AGBL1: variants seen among roughly 807,000 people sequenced by gnomAD.
AGBL1 encodes the protein cytosolic carboxypeptidase 4.
In AGBL1, 130 loss-of-function variants were observed where a neutral mutation model predicts 118.9. The observed-to-expected ratio is 1.09, with a 90% CI of 0.95 to 1.26. The LOEUF is 1.26. Ranked by LOEUF, AGBL1 falls within the 50% of genes most tolerant of loss-of-function variation. The pLI is 0.00. For missense variants in AGBL1, 1,584 were observed against 1,298.1 expected (o/e 1.22, Z -3.38); for synonymous variants, 555 against 478.9 (o/e 1.16, Z -2.08).
chr15:86,734,016 T>A (rs1049860896), intron 22 of AGBL1, among the ~76,000 whole-genome samples: 5 of 152,116 alleles, frequency 3.3e-5, no homozygotes, highest in African/African-American at 1.2e-4. Flanking sequence ...TTAAATTTGA[T>A]CCCCTCTGAT....
At chr15:86,260,644 GT>G (rs550696757) in intron 9 of AGBL1, among the ~76,000 whole-genome samples, 2 of 152,282 alleles carry the variant, frequency 1.3e-5, no homozygotes, top group African/African-American at 4.8e-5. Flanking sequence ...ATAAGACATA[GT>G]TTTTATCTTC....
chr15:86,596,657 C>T (rs750939124), intron 21 of AGBL1, among the ~76,000 whole-genome samples: 11 of 152,090 alleles, frequency 7.2e-5, no homozygotes, highest in Non-Finnish European at 1.3e-4. Context: ...CAACTTTCAT[C>T]CATCCTCCTA....
At position 86,911,342 on chromosome 15, in the gene AGBL1, T is replaced by C. The variant is rs541562520; in HGVS notation, c.*4048T>C. ...TGATTTCACCTTTAAGATAGTCCCA[T>C]TGTTAGAATAGAAGCCCAAGACTTG... On this transcript the variant is annotated 3_prime_UTR_variant, in exon 23 of 23. Coordinates refer to ENST00000614907, the MANE Select transcript of AGBL1 (RefSeq NM_001386094.1). The C allele has an allele frequency of 6.6e-6, 1 of 152,244 alleles. No homozygotes were observed. The highest frequency in any genetic ancestry group is 1.5e-5 in the Non-Finnish European group (1 of 68,016). 9.4% of individuals were successfully genotyped at this position (152,244 alleles called of 1,614,324 possible).
chr15:86,766,473 T>C (rs1226390964), intron 22 of AGBL1, among the ~76,000 whole-genome samples: 1 of 151,982 alleles, frequency 6.6e-6, no homozygotes, highest in Non-Finnish European at 1.5e-5. Flanking sequence ...ATTAAACTCA[T>C]TGATAATGAA....
chr15:86,748,111 C>T (rs945342688), intron 22 of AGBL1, among the ~76,000 whole-genome samples: 2 of 152,142 alleles, frequency 1.3e-5, no homozygotes, highest in African/African-American at 4.8e-5. Context: ...TAAAAGTGTT[C>T]CTATTTCTCC....
intron 18 of AGBL1, among the ~76,000 whole-genome samples, chr15:86,417,466 T>G (rs756174490): frequency 6.6e-6 from 1 of 152,230 alleles, no homozygotes. Flanking sequence ...ATTGAACATA[T>G]CCTAAGTAAG....
At chr15:86,404,882 C>T (rs555330505) in intron 18 of AGBL1, among the ~76,000 whole-genome samples, 2 of 152,262 alleles carry the variant, frequency 1.3e-5, no homozygotes, top group South Asian at 4.2e-4. Context: ...TAGTTATTCC[C>T]ACTGTTAATC....
intron 22 of AGBL1, among the ~76,000 whole-genome samples, chr15:86,831,412 C>A (rs2079101952): frequency 6.6e-6 from 1 of 152,180 alleles, no homozygotes; most frequent in African/African-American, 2.4e-5. Context: ...TGCCTATGAA[C>A]CTGTAAAATC....
intron 19 of AGBL1, among the ~76,000 whole-genome samples, chr15:86,524,798 C>A (rs1395835016): frequency 6.6e-6 from 1 of 152,134 alleles, no homozygotes; most frequent in African/African-American, 2.4e-5. Context: ...TCAGAGTGTG[C>A]AGGATTTGAA....
intron 6 of AGBL1, 148 bp downstream of exon 6, chr15:86,225,099 T>A (rs2078340927): frequency 1.2e-6 from 1 of 823,956 alleles, no homozygotes; most frequent in Non-Finnish European, 1.9e-6. Flanking sequence ...ACCTTGAAAG[T>A]GATAAAGTCA....
At chr15:86,222,514 C>T (rs937792100) in intron 5 of AGBL1, among the ~76,000 whole-genome samples, 1 of 152,094 alleles carries the variant, frequency 6.6e-6, no homozygotes. Context: ...TCCATTTTGA[C>T]ACCACATCAT....
chr15:86,224,786 AGATT>A, intron 5 of AGBL1, 124 bp from the exon 6 acceptor site: 1 of 822,568 alleles, frequency 1.2e-6, no homozygotes, highest in East Asian at 2.5e-5. Context: ...GGCAATCAAT[AGATT>A]GCCTGCTACC....
chr15:86,759,582 C>A (rs1318825231), intron 22 of AGBL1, among the ~76,000 whole-genome samples: 2 of 152,044 alleles, frequency 1.3e-5, no homozygotes, highest in Non-Finnish European at 2.9e-5. Context: ...GCTTTCCTCC[C>A]CAAATCACAC....
At chr15:86,434,158 C>A (rs1259483411) in intron 18 of AGBL1, among the ~76,000 whole-genome samples, 2 of 152,188 alleles carry the variant, frequency 1.3e-5, no homozygotes, top group South Asian at 2.1e-4. Context: ...CCAAATTAAC[C>A]TTTTTGATGA....
chr15:86,667,254 GTATC>G lies in AGBL1; in HGVS notation c.2995-7005_2995-7002del, dbSNP rs59244912. Among the ~76,000 whole-genome samples the G allele has an allele frequency of 3.6e-3, 509 of 139,520 alleles. 7 individuals are homozygous for G. Among genetic ancestry groups the G allele is most frequent in the East Asian group, 0.014 (73 of 5,074 alleles). 91.5% of individuals were successfully genotyped at this position (139,520 alleles called of 152,430 possible). On this transcript the variant is annotated intron_variant, in intron 21 of 22. Coordinates refer to ENST00000614907, the MANE Select transcript of AGBL1 (RefSeq NM_001386094.1). Reference sequence around the variant, plus strand: ...TGTATGTATGTATGTATGTATGTATGTATCTATCTATCTATCTGTCTATCTTTGC... The same window carrying G: ...TGTATGTATGTATGTATGTATGTATGTATCTATCTATCTGTCTATCTTTGC...
At chr15:86,741,085 A>G (rs16977948) in intron 22 of AGBL1, among the ~76,000 whole-genome samples, 1,858 of 152,194 alleles carry the variant, frequency 0.012, 28 homozygotes, top group East Asian at 0.067. Flanking sequence ...CTATGTGGGC[A>G]GAACACTACA....
chr15:86,113,978 T>C (rs913888296), intron 1 of AGBL1, among the ~76,000 whole-genome samples: 1 of 152,182 alleles, frequency 6.6e-6, no homozygotes, highest in African/African-American at 2.4e-5. Context: ...ACTGTGGAGC[T>C]AAAAAACAAT....
intron 18 of AGBL1, among the ~76,000 whole-genome samples, chr15:86,423,338 C>T (rs1596096328): frequency 6.6e-6 from 1 of 152,126 alleles, no homozygotes; most frequent in South Asian, 2.1e-4. Context: ...ATGATTATCT[C>T]AGTAGATGCA....
chr15:86,306,686 G>A (rs1208713634), intron 17 of AGBL1, among the ~76,000 whole-genome samples: 2 of 152,132 alleles, frequency 1.3e-5, no homozygotes, highest in African/African-American at 2.4e-5. Context: ...ATATCCAGCA[G>A]TGGGCTTGCT....
Sources: gnomAD v4.1 joint callset for allele counts (sites outside exome capture counted in the v4.1 genomes callset) on GRCh38, gnomAD v4.1.1 for gene constraint, MANE v1.5 for transcripts, NCBI Gene and HGNC (gene_info 2026-07-23, HGNC 2026-07-21) for gene names.